SEMA3D: variants seen among roughly 807,000 people sequenced by gnomAD.
The protein encoded by SEMA3D is semaphorin 3D.
A neutral mutation model predicts 100.1 loss-of-function variants in SEMA3D; 84 were observed. That is an observed-to-expected ratio of 0.84 (90% CI 0.70 to 1.01). SEMA3D has a LOEUF of 1.01. SEMA3D is among the 50% of genes least tolerant of loss of function. The pLI is 0.00. For missense variants in SEMA3D, 875 were observed against 934.1 expected, an observed-to-expected ratio of 0.94 and a Z score of 0.82; for synonymous variants, 312 against 320.7, an observed-to-expected ratio of 0.97 and a Z score of 0.29.
intron 18 of SEMA3D, among the ~76,000 whole-genome samples, chr7:85,000,599 T>A (rs1789629628): frequency 2.6e-5 from 4 of 152,208 alleles, no homozygotes; most frequent in Non-Finnish European, 5.9e-5. Context: ...TACTTTATAC[T>A]GTCATTTGTG....
chr7:85,051,353 A>T (rs1791159680), intron 9 of SEMA3D, among the ~76,000 whole-genome samples: 2 of 151,842 alleles, frequency 1.3e-5, no homozygotes, highest in African/African-American at 2.4e-5. Flanking sequence ...TCATAATCTT[A>T]CCTGACCTCT....
At chr7:85,244,175 A>G in the SEMA3D span, among the ~76,000 whole-genome samples, 4 of 149,188 alleles carry the variant, frequency 2.7e-5, no homozygotes, top group Non-Finnish European at 6.0e-5. Flanking sequence ...GTGCTGCTTC[A>G]TAACAGCAGA....
At chr7:85,021,052 A>T (rs552465618) in intron 13 of SEMA3D, among the ~76,000 whole-genome samples, 3 of 151,632 alleles carry the variant, frequency 2.0e-5, no homozygotes, top group Admixed American at 2.0e-4. Context: ...GAAAAAAAAA[A>T]TCCCACTTTA....
the SEMA3D span, among the ~76,000 whole-genome samples, chr7:85,207,516 C>G: frequency 1.3e-5 from 2 of 151,850 alleles, no homozygotes; most frequent in Non-Finnish European, 2.9e-5. Flanking sequence ...CTGTGAAGGC[C>G]CTGCTAATCT....
chr7:85,103,192 T>A (rs966372003), intron 3 of SEMA3D, among the ~76,000 whole-genome samples: 1 of 152,014 alleles, frequency 6.6e-6, no homozygotes, highest in Non-Finnish European at 1.5e-5. Context: ...CACAGGATTA[T>A]CAACCAAAAC....
At chr7:85,176,000 T>C (rs1272631627) in intron 1 of SEMA3D, among the ~76,000 whole-genome samples, 2 of 152,062 alleles carry the variant, frequency 1.3e-5, no homozygotes, top group Non-Finnish European at 2.9e-5. Flanking sequence ...CAAATAAATT[T>C]TTAAAACTAG....
chr7:85,170,062 T>G (rs906981804), intron 1 of SEMA3D, among the ~76,000 whole-genome samples: 3 of 151,636 alleles, frequency 2.0e-5, no homozygotes, highest in African/African-American at 7.3e-5. Flanking sequence ...AGCAAAAGAT[T>G]TAAAAAAAGA....
At chr7:85,209,286 A>ATATATG in the SEMA3D span, among the ~76,000 whole-genome samples, 1 of 151,968 alleles carries the variant, frequency 6.6e-6, no homozygotes, top group Non-Finnish European at 1.5e-5. Context: ...GTGTGTGTAT[A>ATATATG]TATATGTATA....
chr7:85,181,944 A>C (rs1791421515), intron 1 of SEMA3D: 1 of 162,764 alleles, frequency 6.1e-6, no homozygotes, highest in Non-Finnish European at 1.3e-5. Context: ...CAGCTTTTTA[A>C]CATGACTTAC....
At chr7:85,227,764 C>A in the SEMA3D span, among the ~76,000 whole-genome samples, 1 of 151,968 alleles carries the variant, frequency 6.6e-6, no homozygotes. Flanking sequence ...AGTTAGAATT[C>A]TGTGTACTAT....
intron 15 of SEMA3D, among the ~76,000 whole-genome samples, chr7:85,015,679 A>G (rs1257351856): frequency 6.6e-6 from 1 of 151,794 alleles, no homozygotes; most frequent in Non-Finnish European, 1.5e-5. Flanking sequence ...TTATTAAAGT[A>G]CTGATCCTTG....
intron 1 of SEMA3D, among the ~76,000 whole-genome samples, chr7:85,162,783 C>T (rs1393953033): frequency 6.6e-6 from 1 of 152,128 alleles, no homozygotes; most frequent in African/African-American, 2.4e-5. Context: ...AACTTGACAA[C>T]GTCTTCCTAA....
At chr7:85,205,426 T>G in the SEMA3D span, among the ~76,000 whole-genome samples, 1 of 152,166 alleles carries the variant, frequency 6.6e-6, no homozygotes, top group African/African-American at 2.4e-5. Flanking sequence ...ACATAACACT[T>G]GTAGAATTAT....
chr7:85,032,559 A>G (rs1790576624), intron 12 of SEMA3D, among the ~76,000 whole-genome samples: 1 of 152,106 alleles, frequency 6.6e-6, no homozygotes, highest in Non-Finnish European at 1.5e-5. Context: ...TAAAGCCTGC[A>G]AACATGTTAG....
At chr7:85,156,662 TC>T (rs2116505436) in intron 1 of SEMA3D, among the ~76,000 whole-genome samples, 1 of 152,176 alleles carries the variant, frequency 6.6e-6, no homozygotes, top group East Asian at 1.9e-4. Flanking sequence ...TCCACCCAAG[TC>T]ATCATCAATA....
the SEMA3D span, among the ~76,000 whole-genome samples, chr7:85,239,782 T>C: frequency 2.0e-5 from 3 of 152,288 alleles, no homozygotes; most frequent in African/African-American, 7.2e-5. Context: ...TAACTCACAT[T>C]GTGCACTCTG....
At chr7:85,165,400 A>C (rs368243865) in intron 1 of SEMA3D, among the ~76,000 whole-genome samples, 8 of 152,222 alleles carry the variant, frequency 5.3e-5, no homozygotes, top group African/African-American at 1.4e-4. Flanking sequence ...GACACATAAG[A>C]TACGACGTGA....
intron 12 of SEMA3D, among the ~76,000 whole-genome samples, chr7:85,023,372 T>C (rs1011738465): frequency 1.3e-5 from 2 of 151,866 alleles, no homozygotes; most frequent in Non-Finnish European, 2.9e-5. Flanking sequence ...ATTAGACTTT[T>C]TTTTTCCAGA....
intron 1 of SEMA3D, chr7:85,159,842 A>C (rs1790696546): frequency 2.0e-6 from 2 of 984,822 alleles, no homozygotes; most frequent in South Asian, 9.4e-5. Flanking sequence ...TGTCCTGCAG[A>C]TAGTAGGATT....
Sources: allele counts gnomAD v4.1 joint callset (sites outside exome capture counted in the v4.1 genomes callset), GRCh38; gene constraint gnomAD v4.1.1; transcripts MANE v1.5; gene names NCBI Gene and HGNC (gene_info 2026-07-23, HGNC 2026-07-21).